Variants in CEP57L1 observed in about 807,000 individuals in gnomAD.
CEP57L1 encodes the protein centrosomal protein CEP57L1.
Under a neutral mutation model 61.0 loss-of-function variants are expected in CEP57L1, and 37 were observed. That is an observed-to-expected ratio of 0.61 (90% CI 0.47 to 0.80). CEP57L1 has a LOEUF of 0.80. Among genes scored for constraint, CEP57L1 ranks in the 30% least tolerant of loss-of-function variants. CEP57L1 has a pLI of 0.00. For synonymous variants in CEP57L1, 137 were observed against 162.3 expected (o/e 0.84, Z 1.19); for missense variants, 422 against 524.7 (o/e 0.80, Z 1.91).
At chr6:109,121,332 G>A (rs1437411089) in intron 1 of CEP57L1, among the ~76,000 whole-genome samples, 2 of 152,142 alleles carry the variant, frequency 1.3e-5, no homozygotes, top group Non-Finnish European at 2.9e-5. Context: ...ACTATGGTGT[G>A]TAATTTGTGC....
intron 1 of CEP57L1, chr6:109,125,046 A>C (rs771829518): frequency 6.6e-6 from 1 of 152,218 alleles, no homozygotes; most frequent in Non-Finnish European, 1.5e-5. Context: ...GTAGACAGCA[A>C]GGGAAGAGGT....
chr6:109,134,271 T>G (rs577797084), intron 1 of CEP57L1, among the ~76,000 whole-genome samples: 2 of 151,956 alleles, frequency 1.3e-5, no homozygotes, highest in African/African-American at 2.4e-5. Context: ...CACAAATCAA[T>G]AAATGTAATC....
chr6:109,139,620 GGAC>G (rs1771124087), intron 1 of CEP57L1, among the ~76,000 whole-genome samples: 1 of 151,918 alleles, frequency 6.6e-6, no homozygotes, highest in Non-Finnish European at 1.5e-5. Context: ...CAAGTAGCTG[GGAC>G]TACAGGCGCC....
rs183198166 is a variant in CEP57L1, at chr6:109,099,646, T to C, written c.-4+4071T>C. On this transcript the variant is annotated intron_variant, in intron 1 of 10. Coordinates refer to ENST00000517392, the MANE Select transcript of CEP57L1 (RefSeq NM_001271852.3). ...CTTATTGCAAGCTCCGCCTCCCAGG[T>C]TCAAGTGATTCTCCTGCCTCAGCCT... Among the ~76,000 whole-genome samples the C allele has an allele frequency of 4.8e-3, 735 of 152,190 alleles. 7 individuals are homozygous for C. The highest frequency in any genetic ancestry group is 0.017 in the African/African-American group (703 of 41,528).
chr6:109,123,471 A>G (rs1309707517), intron 1 of CEP57L1, among the ~76,000 whole-genome samples: 1 of 152,192 alleles, frequency 6.6e-6, no homozygotes, highest in Non-Finnish European at 1.5e-5. Context: ...TTCATGATTC[A>G]GTGGCTCAAT....
Position 109,136,128 on chromosome 6 carries a change from C to T in CEP57L1, c.-3-9091C>T, listed in dbSNP as rs373920211. ...GACACATGCACACGTATGTTTATTG[C>T]GGCACTATTCACAATAGCAAAGACT... On this transcript the variant is annotated intron_variant, in intron 1 of 10. Transcript: ENST00000517392. Among the ~76,000 whole-genome samples, 1,323 of 152,252 alleles carry T rather than the reference C, an allele frequency of 8.7e-3. 22 individuals are homozygous for T. The highest frequency in any genetic ancestry group is 0.029 in the African/African-American group (1,224 of 41,532).
chr6:109,143,952 A>G (rs975992765), intron 1 of CEP57L1, among the ~76,000 whole-genome samples: 3 of 152,130 alleles, frequency 2.0e-5, no homozygotes, highest in Non-Finnish European at 2.9e-5. Flanking sequence ...CTTTATAGTG[A>G]GCCAGCTGTG....
intron 1 of CEP57L1, chr6:109,140,424 G>A (rs976171189): frequency 1.5e-5 from 2 of 133,446 alleles, no homozygotes; most frequent in Non-Finnish European, 3.1e-5. Context: ...TTTTTAGACA[G>A]AGTCTTTCTC....
At chr6:109,119,244 T>C (rs1417102439) in intron 1 of CEP57L1, among the ~76,000 whole-genome samples, 1 of 152,192 alleles carries the variant, frequency 6.6e-6, no homozygotes, top group Non-Finnish European at 1.5e-5. Context: ...TGAAGTAACA[T>C]GGCTGGATTT....
At chr6:109,142,946 GCTCTCTCT>G (rs35714375) in intron 1 of CEP57L1, among the ~76,000 whole-genome samples, 1,663 of 55,290 alleles carry the variant, frequency 0.03, 24 homozygotes, top group East Asian at 0.11. Flanking sequence ...TGTCTCTCTT[GCTCTCTCT>G]CTCTCTCTCT....
chr6:109,095,669 GGCC>G, intron 1 of CEP57L1, 94 bp downstream of exon 1: 13 of 816,756 alleles, frequency 1.6e-5, no homozygotes, highest in Non-Finnish European at 1.9e-5. Context: ...CATCTAGGGT[GGCC>G]TCCCTTAGTC....
intron 1 of CEP57L1, among the ~76,000 whole-genome samples, chr6:109,101,156 A>G (rs913812221): frequency 6.6e-6 from 1 of 152,172 alleles, no homozygotes. Flanking sequence ...CAACATATCA[A>G]TAGATGTTAT....
At chr6:109,146,042 TATC>T (rs1367947381) in intron 2 of CEP57L1, among the ~76,000 whole-genome samples, 1 of 151,892 alleles carries the variant, frequency 6.6e-6, no homozygotes, top group African/African-American at 2.4e-5. Flanking sequence ...CAGCTACAGA[TATC>T]ATGTAAAGAG....
intron 1 of CEP57L1, among the ~76,000 whole-genome samples, chr6:109,099,311 G>A (rs746635535): frequency 3.9e-5 from 6 of 152,186 alleles, no homozygotes; most frequent in Non-Finnish European, 8.8e-5. Context: ...GGAGCAGCCA[G>A]TGAGCAGAGA....
intron 10 of CEP57L1, 63 bp from the exon 11 acceptor site, chr6:109,162,686 C>G: frequency 9.6e-7 from 1 of 1,047,022 alleles, no homozygotes; most frequent in Non-Finnish European, 1.4e-6. Flanking sequence ...TTCAACCTAT[C>G]TATTTTGGAA....
chr6:109,117,823 C>T (rs1014979791), intron 1 of CEP57L1, among the ~76,000 whole-genome samples: 65 of 152,106 alleles, frequency 4.3e-4, no homozygotes, highest in Admixed American at 1.4e-3. Flanking sequence ...TCAATTGGAG[C>T]CATAATGATC....
intron 1 of CEP57L1, among the ~76,000 whole-genome samples, chr6:109,099,750 A>G (rs1782150091): frequency 6.6e-6 from 1 of 152,070 alleles, no homozygotes; most frequent in Admixed American, 6.5e-5. Context: ...GGGTTTCACC[A>G]TGTTGGGCAG....
rs1476674524 is a variant in CEP57L1, at chr6:109,167,356, G to C, written c.*4386G>C. 6.6e-6 allele frequency among the ~76,000 whole-genome samples: 1 copy of C among 151,772 alleles called. No individual in the cohort carries two copies. The highest frequency in any genetic ancestry group is 2.4e-5 in the African/African-American group (1 of 41,308). On this transcript the variant is annotated 3_prime_UTR_variant, in exon 11 of 11. Transcript: ENST00000517392. Reference sequence around the variant, plus strand: ...TTTTTTTTTCCTGGTAGGTTTATTGGGAGTGTTCTCCATATTGATATAGAT... The same window carrying C: ...TTTTTTTTTCCTGGTAGGTTTATTGCGAGTGTTCTCCATATTGATATAGAT...
chr6:109,144,968 T>C (rs553437310), intron 1 of CEP57L1, among the ~76,000 whole-genome samples: 208 of 152,126 alleles, frequency 1.4e-3, no homozygotes, highest in South Asian at 2.5e-3. Flanking sequence ...AAATCACTCA[T>C]GTGATGCTTA....
Sources: allele counts gnomAD v4.1 joint callset (sites outside exome capture counted in the v4.1 genomes callset), GRCh38; gene constraint gnomAD v4.1.1; transcripts MANE v1.5; gene names NCBI Gene and HGNC (gene_info 2026-07-23, HGNC 2026-07-21).